GRM5: variants seen among roughly 807,000 people sequenced by gnomAD.
The protein encoded by GRM5 is metabotropic glutamate receptor 5.
In GRM5, 19 loss-of-function variants were observed where a neutral mutation model predicts 83.1. The ratio of observed to expected loss-of-function variants is 0.23; its 90% CI spans 0.16 to 0.34. GRM5 has a LOEUF of 0.34. Among genes scored for constraint, GRM5 ranks in the 10% least tolerant of loss-of-function variants. The probability of loss-of-function intolerance (pLI) is 1.00; values close to 1 mark genes in which losing one functional copy is unlikely to be tolerated. For synonymous variants in GRM5, 675 were observed against 633.6 expected, an observed-to-expected ratio of 1.07 and a Z score of -0.98; for missense variants, 1,160 against 1,588.3, an observed-to-expected ratio of 0.73 and a Z score of 4.58.
intron 3 of GRM5, among the ~76,000 whole-genome samples, chr11:88,846,443 C>T (rs1322834946): frequency 3.3e-5 from 5 of 152,160 alleles, no homozygotes; most frequent in Non-Finnish European, 5.9e-5. Context: ...ACCCACAGCT[C>T]AAATGGAAAG....
Position 88,634,532 on chromosome 11 carries a change from T to C in GRM5, c.1147+18636A>G, listed in dbSNP as rs530606282. 2.0e-5 allele frequency among the ~76,000 whole-genome samples: 3 copies of C among 152,188 alleles called. No homozygotes were observed. In the South Asian group the frequency reaches 6.2e-4, roughly 32 times the overall value. ...CACATTAGCCTAGGCATGCACAGGG[T>C]GAGGATCATCAATATCACTGTCTCC... On this transcript the variant is annotated intron_variant, in intron 4 of 9. Transcript: ENST00000305447.
intron 2 of GRM5, among the ~76,000 whole-genome samples, chr11:88,860,788 G>A (rs942764354): frequency 5.3e-5 from 8 of 152,282 alleles, no homozygotes; most frequent in Admixed American, 2.0e-4. Flanking sequence ...TAGTATAATG[G>A]CTGCACTGTC....
intron 2 of GRM5, among the ~76,000 whole-genome samples, chr11:88,992,961 C>T (rs1940034366): frequency 6.6e-6 from 1 of 151,596 alleles, no homozygotes; most frequent in Non-Finnish European, 1.5e-5. Flanking sequence ...CACATGTATA[C>T]ATATGTAACA....
chr11:88,847,593 GA>G (rs201668419), intron 3 of GRM5, among the ~76,000 whole-genome samples: 1 of 150,264 alleles, frequency 6.7e-6, no homozygotes, highest in Non-Finnish European at 1.5e-5. Context: ...TACTTTTAAA[GA>G]AAAAAAAACA....
At chr11:88,660,173 A>G (rs571048183) in intron 3 of GRM5, among the ~76,000 whole-genome samples, 6 of 152,246 alleles carry the variant, frequency 3.9e-5, no homozygotes, top group African/African-American at 1.4e-4. Context: ...TTATCCTTCA[A>G]ATTAAACATT....
At chr11:88,649,372 C>T (rs1469804405) in intron 4 of GRM5, among the ~76,000 whole-genome samples, 1 of 137,584 alleles carries the variant, frequency 7.3e-6, no homozygotes. Flanking sequence ...TTAAATATTA[C>T]ATATATTATG....
At chr11:88,733,966 T>A (rs571810123) in intron 3 of GRM5, among the ~76,000 whole-genome samples, 1 of 151,990 alleles carries the variant, frequency 6.6e-6, no homozygotes, top group Non-Finnish European at 1.5e-5. Context: ...TCTGCTTGCT[T>A]GGCATTTCTA....
rs1001988521 is a variant in GRM5, at chr11:88,506,720, T to C, written c.*1872A>G. ...ACTTAAAGTTGCAAGTAAGAACAAA[T>C]AGCAGAAAAGAAAACTCAAGCAGAA... On this transcript the variant is annotated 3_prime_UTR_variant, in exon 10 of 10. Coordinates refer to ENST00000305447, the MANE Select transcript of GRM5 (RefSeq NM_001143831.3). 2 of 152,086 alleles carry C rather than the reference T, an allele frequency of 1.3e-5. No individual in the cohort carries two copies. The highest frequency in any genetic ancestry group is 1.3e-4 in the Admixed American group (2 of 15,268). 9.4% of individuals were successfully genotyped at this position (152,086 alleles called of 1,614,324 possible). A position where few individuals can be genotyped will look rare whatever the true frequency, so the allele number is the denominator to read the frequency against.
chr11:88,812,778 C>T (rs1943609619), intron 3 of GRM5, among the ~76,000 whole-genome samples: 1 of 152,064 alleles, frequency 6.6e-6, no homozygotes, highest in Non-Finnish European at 1.5e-5. Context: ...AAACTTTGAG[C>T]TCCAAGAATT....
At chr11:88,575,107 T>C (rs536880902) in intron 7 of GRM5, among the ~76,000 whole-genome samples, 134 of 151,936 alleles carry the variant, frequency 8.8e-4, no homozygotes, top group Non-Finnish European at 1.6e-3. Flanking sequence ...AAACATGGCA[T>C]GATTGCTTTC....
chr11:88,894,173 A>T lies in GRM5; in HGVS notation c.662-44018T>A, dbSNP rs537583440. The stretch of plus-strand genomic sequence containing the variant: ...CTGGACAGCCCATTTGCATAATAAC[A>T]TTAGGGTGGGGAGACCAGACTTCCC... On this transcript the variant is annotated intron_variant, in intron 2 of 9. Transcript: ENST00000305447. 3.3e-5 allele frequency among the ~76,000 whole-genome samples: 5 copies of T among 152,078 alleles called. No individual in the cohort carries two copies. In the South Asian group the frequency reaches 6.2e-4, roughly 19 times the overall value.
At chr11:88,633,439 A>G (rs903856059) in intron 4 of GRM5, among the ~76,000 whole-genome samples, 19 of 152,308 alleles carry the variant, frequency 1.2e-4, no homozygotes, top group South Asian at 1.0e-3. Context: ...ACATAAGGTC[A>G]TGAATGGGTT....
chr11:88,918,870 C>T (rs1452318210), intron 2 of GRM5, among the ~76,000 whole-genome samples: 1 of 150,838 alleles, frequency 6.6e-6, no homozygotes, highest in African/African-American at 2.4e-5. Flanking sequence ...AACCTCAAAT[C>T]AAAAAACCTA....
chr11:88,792,537 G>A (rs1227805269), intron 3 of GRM5, among the ~76,000 whole-genome samples: 1 of 152,046 alleles, frequency 6.6e-6, no homozygotes, highest in Non-Finnish European at 1.5e-5. Context: ...TCAAAGAAAT[G>A]ACAGTAACAT....
chr11:88,967,429 A>G (rs1232319060), intron 2 of GRM5, among the ~76,000 whole-genome samples: 1 of 218 alleles, frequency 4.6e-3, no homozygotes, highest in Non-Finnish European at 9.8e-3. Context: ...TATTTCTTAT[A>G]CTTTGGCACC....
chr11:89,011,400 G>A (rs1940694699), intron 2 of GRM5, among the ~76,000 whole-genome samples: 1 of 152,084 alleles, frequency 6.6e-6, no homozygotes, highest in African/African-American at 2.4e-5. Context: ...TGTGAATATC[G>A]TGGGAATAAC....
At chr11:88,778,243 G>T (rs1449852060) in intron 3 of GRM5, among the ~76,000 whole-genome samples, 3 of 152,262 alleles carry the variant, frequency 2.0e-5, no homozygotes, top group African/African-American at 4.8e-5. Flanking sequence ...GGCTCCATGG[G>T]CGTGCGACCT....
At chr11:88,779,746 G>A (rs151116737) in intron 3 of GRM5, among the ~76,000 whole-genome samples, 4 of 152,140 alleles carry the variant, frequency 2.6e-5, no homozygotes, top group Admixed American at 1.3e-4. Flanking sequence ...CTTAGTCACC[G>A]AAAAGCAAAC....
rs77736018 is a variant in GRM5 at position 88,609,145 on chromosome 11, C to A, written c.1148-4181G>T. Among the ~76,000 whole-genome samples the A allele has an allele frequency of 9.7e-3, 1,474 of 152,246 alleles. 21 individuals carry two copies. Among genetic ancestry groups the A allele is most frequent in the African/African-American group, 0.033 (1,391 of 41,542 alleles). ...TAGCCTTCCAAACCATAGCTCCCTA[C>A]CACCCTTCCTCTTCAAGCAATCTCC... On this transcript the variant is annotated intron_variant, in intron 4 of 9. Transcript: ENST00000305447.
Sources: allele counts gnomAD v4.1 joint callset (sites outside exome capture counted in the v4.1 genomes callset), GRCh38; gene constraint gnomAD v4.1.1; transcripts MANE v1.5; gene names NCBI Gene and HGNC (gene_info 2026-07-23, HGNC 2026-07-21).